The following CA12 variants were observed in gnomAD, a reference collection of about 807,000 sequenced individuals.
The protein encoded by CA12 is carbonate dehydratase XII.
CA12 carries 36 observed loss-of-function variants against 46.8 expected under a neutral mutation model. That is an observed-to-expected ratio of 0.77 (90% CI 0.59 to 1.02). The LOEUF is 1.02. Among genes scored for constraint, CA12 ranks in the 50% least tolerant of loss-of-function variants. CA12 has a pLI of 0.00. For missense variants in CA12, 436 were observed against 451.4 expected, an observed-to-expected ratio of 0.97 and a Z score of 0.31; for synonymous variants, 202 against 187.0, an observed-to-expected ratio of 1.08 and a Z score of -0.65.
chr15:63,347,998 C>G (rs1262676462), intron 2 of CA12, among the ~76,000 whole-genome samples: 3 of 152,204 alleles, frequency 2.0e-5, no homozygotes, highest in African/African-American at 7.2e-5. Context: ...CTACATCGTG[C>G]TCTCTAACTA....
intron 4 of CA12, among the ~76,000 whole-genome samples, chr15:63,342,320 A>C (rs1282363969): frequency 6.6e-6 from 1 of 152,212 alleles, no homozygotes; most frequent in East Asian, 1.9e-4. Flanking sequence ...GAGACATAAT[A>C]CATCAATCAA....
intron 2 of CA12, among the ~76,000 whole-genome samples, chr15:63,366,632 A>G (rs2039438131): frequency 6.6e-6 from 1 of 152,244 alleles, no homozygotes; most frequent in South Asian, 2.1e-4. Flanking sequence ...TGAACCATTT[A>G]TCTCAGGCAA....
chr15:63,369,657 G>A (rs1332886236), intron 2 of CA12, among the ~76,000 whole-genome samples: 1 of 152,228 alleles, frequency 6.6e-6, no homozygotes, highest in East Asian at 1.9e-4. Context: ...AGAACCACTG[G>A]TGTAGATGCC....
At chr15:63,365,262 G>A (rs1012115359) in intron 2 of CA12, among the ~76,000 whole-genome samples, 4 of 150,230 alleles carry the variant, frequency 2.7e-5, no homozygotes, top group Non-Finnish European at 4.5e-5. Flanking sequence ...AGTGAACTTG[G>A]CATAATTCCT....
intron 1 of CA12, among the ~76,000 whole-genome samples, chr15:63,376,557 CCTTTCTTTCTTTCTTTCTTT>C (rs66768055): frequency 9.6e-6 from 1 of 104,526 alleles, no homozygotes; most frequent in African/African-American, 3.6e-5. Context: ...CTCTTTCTTT[CCTTTCTTTCTTTCTTTCTTT>C]CTTTCTTTCT....
intron 2 of CA12, among the ~76,000 whole-genome samples, chr15:63,358,387 T>C (rs567702818): frequency 6.7e-4 from 102 of 152,310 alleles, no homozygotes; most frequent in African/African-American, 2.2e-3. Flanking sequence ...CAGGGTGATG[T>C]AGCAATGTTC....
At position 63,328,492 on chromosome 15, in the gene CA12, C is replaced by T. The variant is rs1374508804; in HGVS notation, c.875-362G>A. On this transcript the variant is annotated intron_variant, in intron 8 of 10. Coordinates refer to ENST00000178638, the MANE Select transcript of CA12 (RefSeq NM_001218.5). The surrounding 1 kb of genome is among the most constrained non-coding windows in gnomAD (Gnocchi z 5.9). ...CTGGGATTACAAGCACCTGCCACCACACCCAGCTAATTTTTGGATTTTTAG... is the reference window on the plus strand; with the variant it reads ...CTGGGATTACAAGCACCTGCCACCATACCCAGCTAATTTTTGGATTTTTAG... Among the ~76,000 whole-genome samples, 4 of 151,940 alleles carry T rather than the reference C, an allele frequency of 2.6e-5. No individual in the cohort carries two copies. The highest frequency in any genetic ancestry group is 5.9e-5 in the Non-Finnish European group (4 of 68,004).
chr15:63,346,460 G>C (rs2039149288), intron 3 of CA12, 70 bp downstream of exon 3: 1 of 1,453,766 alleles, frequency 6.9e-7, no homozygotes, highest in African/African-American at 1.4e-5. Context: ...CTGCCAGATG[G>C]AAAAGGACAG....
At chr15:63,333,259 G>A (rs2038958461) in intron 8 of CA12, among the ~76,000 whole-genome samples, 1 of 152,248 alleles carries the variant, frequency 6.6e-6, no homozygotes, top group Admixed American at 6.5e-5. Flanking sequence ...ATCGGCTAGG[G>A]CCCCATCACC....
In CA12 at chr15:63,341,705, A is replaced by G. The variant is rs1320247411; in HGVS notation, c.525+297T>C. Among the ~76,000 whole-genome samples, 6 of 152,180 alleles carry G rather than the reference A, an allele frequency of 3.9e-5. No homozygotes were observed. Among genetic ancestry groups the G allele is most frequent in the African/African-American group, 1.4e-4 (6 of 41,446 alleles). ...AGATGGAGTTTGATGATCCCTTTCC[A>G]GCACAGGTCCTCCCCAACTGGGCAA... On this transcript the variant is annotated intron_variant, in intron 5 of 10. Transcript: ENST00000178638. This position sits in a 1 kb window ranked among gnomAD's most constrained non-coding sequence, Gnocchi z 5.2.
rs369453742 is a variant in CA12, at chr15:63,338,952, G to T, written c.748-7C>A. ...CTGTCTCCAAAGCCAGCAGCTGAGG[G>T]CAAGAGCAGAAATAGCCCGCAGGCA... is the stretch of plus-strand genomic sequence containing the variant. On this transcript the variant is annotated splice_polypyrimidine_tract_variant and splice_region_variant and intron_variant, in intron 7 of 10. Coordinates refer to ENST00000178638, the MANE Select transcript of CA12 (RefSeq NM_001218.5). 3 of 1,614,148 alleles carry T rather than the reference G, an allele frequency of 1.9e-6. No homozygotes were observed. The highest frequency in any genetic ancestry group is 2.2e-5 in the East Asian group (1 of 44,888).
intron 1 of CA12, among the ~76,000 whole-genome samples, chr15:63,379,924 T>G (rs1180753801): frequency 6.6e-6 from 1 of 152,212 alleles, no homozygotes; most frequent in Non-Finnish European, 1.5e-5. Flanking sequence ...TGCTCCCTCC[T>G]GGGCCCCTGA....
intron 2 of CA12, among the ~76,000 whole-genome samples, chr15:63,357,002 G>A (rs1050397026): frequency 7.2e-5 from 11 of 152,196 alleles, no homozygotes; most frequent in South Asian, 4.1e-4. Context: ...TTGTTTAGCC[G>A]TAAAAAGGCT....
chr15:63,367,497 A>G (rs2039451055), intron 2 of CA12, among the ~76,000 whole-genome samples: 2 of 152,210 alleles, frequency 1.3e-5, no homozygotes, highest in African/African-American at 4.8e-5. Context: ...ATGACCTTAC[A>G]TAAGGAAATC....
At chr15:63,344,060 CAA>C (rs1182055842) in intron 4 of CA12, among the ~76,000 whole-genome samples, 1 of 152,188 alleles carries the variant, frequency 6.6e-6, no homozygotes, top group Non-Finnish European at 1.5e-5. Context: ...GGATAGAACT[CAA>C]AGTCATCCCT....
intron 2 of CA12, among the ~76,000 whole-genome samples, chr15:63,371,665 A>T (rs2039508973): frequency 6.6e-6 from 1 of 152,208 alleles, no homozygotes; most frequent in Admixed American, 6.5e-5. Context: ...TTGAGCAAAC[A>T]GGGGTTTTCA....
intron 1 of CA12, 132 bp downstream of exon 1, chr15:63,381,504 A>T (rs2039644580): frequency 1.3e-6 from 1 of 769,172 alleles, no homozygotes; most frequent in South Asian, 1.6e-5. Flanking sequence ...TCCTTTCTTG[A>T]GAATCTACTA....
At chr15:63,363,175 G>A (rs923338144) in intron 2 of CA12, among the ~76,000 whole-genome samples, 2 of 152,118 alleles carry the variant, frequency 1.3e-5, no homozygotes, top group Non-Finnish European at 2.9e-5. Context: ...CAACCTTTTA[G>A]AGCAACTTCT....
At chr15:63,338,377 G>T (rs115116394) in intron 8 of CA12, among the ~76,000 whole-genome samples, 1,878 of 152,308 alleles carry the variant, frequency 0.012, 13 homozygotes, top group South Asian at 0.025. Context: ...CTCATTTGGT[G>T]GTGGTGCATG....
Sources: allele counts gnomAD v4.1 joint callset (sites outside exome capture counted in the v4.1 genomes callset), GRCh38; gene constraint gnomAD v4.1.1; non-coding constraint Gnocchi (gnomAD v3.1); transcripts MANE v1.5; gene names NCBI Gene and HGNC (gene_info 2026-07-23, HGNC 2026-07-21).